Variants in PSMD1 observed in about 807,000 individuals in gnomAD.
PSMD1 encodes the protein 26S proteasome non-ATPase regulatory subunit 1.
Under a neutral mutation model 119.0 loss-of-function variants are expected in PSMD1, and 18 were observed. The observed-to-expected ratio is 0.15, with a 90% CI of 0.10 to 0.22. The LOEUF (loss-of-function observed/expected upper bound fraction) is 0.22. Ranked by LOEUF, PSMD1 falls within the 10% of genes least tolerant of loss-of-function variation. The pLI, the probability that PSMD1 is intolerant of heterozygous loss-of-function variation, is 1.00. For missense variants in PSMD1, 702 were observed against 1,158.5 expected (o/e 0.61, Z 5.72); for synonymous variants, 374 against 396.6 (o/e 0.94, Z 0.68).
chr2:231,137,340 C>G (rs1478310259), intron 16 of PSMD1, among the ~76,000 whole-genome samples: 1 of 151,820 alleles, frequency 6.6e-6, no homozygotes, highest in Non-Finnish European at 1.5e-5. Context: ...GTCTCAAACT[C>G]CTGACCTCAA....
chr2:231,081,304 A>AAAAAC (rs549526790), intron 12 of PSMD1, among the ~76,000 whole-genome samples: 3 of 152,140 alleles, frequency 2.0e-5, no homozygotes, highest in Non-Finnish European at 4.4e-5. Flanking sequence ...ATGGTTACAA[A>AAAAAC]AAAACAAAAC....
rs753812038 is a variant in PSMD1, at chr2:231,062,647, T to C, written c.276T>C (p.Asp92=). Residue 92 remains aspartate (D), a synonymous_variant, in exon 4 of 25, where the codon GAT becomes GAC. Coordinates refer to ENST00000308696, the MANE Select transcript of PSMD1 (RefSeq NM_002807.4). ...LGAGDLFNVN[D]NSEYVETIIA... Reference sequence around the variant, plus strand: ...CAGGGGACCTCTTCAATGTCAATGATAACTCTGAATATGTGGAAACTATTA... The same window carrying C: ...CAGGGGACCTCTTCAATGTCAATGACAACTCTGAATATGTGGAAACTATTA... The C allele has an allele frequency of 7.1e-5, 114 of 1,609,452 alleles. No individual in the cohort carries two copies. The highest frequency in any genetic ancestry group is 9.2e-5 in the Non-Finnish European group (108 of 1,178,504).
intron 4 of PSMD1, among the ~76,000 whole-genome samples, chr2:231,064,703 T>C (rs1445065210): frequency 6.6e-6 from 1 of 152,254 alleles, no homozygotes; most frequent in African/African-American, 2.4e-5. Context: ...TTTTTCTCTG[T>C]TGCCCGGGCT....
rs367721949 is a variant in PSMD1, at chr2:231,123,577, A to C, written c.1884-15159A>C. 51 of 1,614,132 alleles carry C rather than the reference A, an allele frequency of 3.2e-5. No individual in the cohort carries two copies. In the East Asian group the frequency reaches 1.1e-3, roughly 34 times the overall value. On this transcript the variant is annotated intron_variant, in intron 16 of 24. Transcript: ENST00000308696. ...TCCACCAATTGTGGGTATTATCACC[A>C]TGAGTATCAGAAGAGCTGCCCAGTG...
At chr2:231,070,252 A>G (rs540120669) in intron 6 of PSMD1, 84 bp downstream of exon 6, 199 of 1,103,482 alleles carry the variant, frequency 1.8e-4, no homozygotes, top group South Asian at 1.4e-3. Flanking sequence ...ATTACTTTAT[A>G]TTACTATAAT....
intron 16 of PSMD1, among the ~76,000 whole-genome samples, chr2:231,110,106 G>A (rs1695103558): frequency 6.6e-6 from 1 of 152,132 alleles, no homozygotes; most frequent in African/African-American, 2.4e-5. Flanking sequence ...GATTACTTGA[G>A]GTCAGGAGTT....
At chr2:231,130,129 T>C (rs768164638) in intron 16 of PSMD1, among the ~76,000 whole-genome samples, 1 of 152,202 alleles carries the variant, frequency 6.6e-6, no homozygotes, top group African/African-American at 2.4e-5. Flanking sequence ...TTGTTTCTTT[T>C]ATTATTATTA....
At chr2:231,146,949 C>A (rs183455733) in intron 18 of PSMD1, among the ~76,000 whole-genome samples, 3 of 152,306 alleles carry the variant, frequency 2.0e-5, no homozygotes. Context: ...ACATTTTGCC[C>A]TTCTGCATAG....
chr2:231,128,408 A>G (rs1022098438), intron 16 of PSMD1, among the ~76,000 whole-genome samples: 9 of 152,198 alleles, frequency 5.9e-5, no homozygotes, highest in African/African-American at 2.2e-4. Flanking sequence ...CATTCCTCTC[A>G]TGTTCATTCT....
chr2:231,123,517 T>TAA (rs1239415935), intron 16 of PSMD1: 1 of 1,613,922 alleles, frequency 6.2e-7, no homozygotes, highest in Non-Finnish European at 8.5e-7. Flanking sequence ...CTGCAGCTTC[T>TAA]TCTCCAGTGA....
At chr2:231,139,366 T>A (rs1696050169) in intron 17 of PSMD1, among the ~76,000 whole-genome samples, 1 of 134,694 alleles carries the variant, frequency 7.4e-6, no homozygotes, top group Admixed American at 7.7e-5. Context: ...TTGCTTGGGC[T>A]GAAGTGCAGT....
chr2:231,138,382 T>C (rs1463077649), intron 16 of PSMD1, among the ~76,000 whole-genome samples: 2 of 152,146 alleles, frequency 1.3e-5, no homozygotes, highest in African/African-American at 4.8e-5. Context: ...TGGAACAAAA[T>C]GCAAAGTAAC....
intron 16 of PSMD1, among the ~76,000 whole-genome samples, chr2:231,099,035 G>A (rs1434578685): frequency 1.3e-5 from 2 of 152,166 alleles, no homozygotes; most frequent in Non-Finnish European, 2.9e-5. Flanking sequence ...TGATGGGATG[G>A]TAATTCCTAA....
intron 19 of PSMD1, 146 bp from the exon 20 acceptor site, chr2:231,161,194 C>T: frequency 1.3e-6 from 1 of 753,844 alleles, no homozygotes. Context: ...TGCAGTGTTT[C>T]ACTCTGTCAC....
intron 6 of PSMD1, 59 bp downstream of exon 6, chr2:231,070,227 A>G: frequency 8.1e-7 from 1 of 1,240,910 alleles, no homozygotes; most frequent in Non-Finnish European, 1.0e-6. Context: ...GCTATGCTAT[A>G]CCACTTCACA....
At chr2:231,136,097 T>A (rs1287067006) in intron 16 of PSMD1, among the ~76,000 whole-genome samples, 1 of 152,214 alleles carries the variant, frequency 6.6e-6, no homozygotes, top group Admixed American at 6.5e-5. Context: ...AGTCTTTTTT[T>A]AAAATGCCTT....
intron 16 of PSMD1, among the ~76,000 whole-genome samples, chr2:231,138,227 A>G (rs1190836057): frequency 6.6e-6 from 1 of 152,242 alleles, no homozygotes; most frequent in African/African-American, 2.4e-5. Context: ...AATAATTGCT[A>G]AAGCAAAAAT....
chr2:231,165,365 T>C, intron 22 of PSMD1, 79 bp downstream of exon 22: 2 of 1,401,820 alleles, frequency 1.4e-6, no homozygotes, highest in Non-Finnish European at 1.9e-6. Context: ...AGTTGAATAT[T>C]ATTCTACCTT....
rs185818625 is a variant in PSMD1 at position 231,154,087 on chromosome 2, G to A, written c.2218+421G>A. Among the ~76,000 whole-genome samples the A allele has an allele frequency of 9.5e-4, 143 of 150,544 alleles. 1 individual carries two copies. Among genetic ancestry groups the A allele is most frequent in the African/African-American group, 3.3e-3 (137 of 40,934 alleles). On this transcript the variant is annotated intron_variant, in intron 19 of 24. Transcript: ENST00000308696. Reference sequence around the variant, plus strand: ...GAGATCGCGCCATTGCACTCCAGCCGGGGCAACAAGAGCAAAACTCGGTCT... The same window carrying A: ...GAGATCGCGCCATTGCACTCCAGCCAGGGCAACAAGAGCAAAACTCGGTCT...
Sources: gnomAD v4.1 joint callset for allele counts (sites outside exome capture counted in the v4.1 genomes callset) on GRCh38, gnomAD v4.1.1 for gene constraint, MANE v1.5 for transcripts, NCBI Gene and HGNC (gene_info 2026-07-23, HGNC 2026-07-21) for gene names.